C2orf76: variants seen among roughly 807,000 people sequenced by gnomAD.
C2orf76 encodes chromosome 2 open reading frame 76, also known as UPF0538 protein C2orf76.
In C2orf76, 23 loss-of-function variants were observed where a neutral mutation model predicts 16.9. That is an observed-to-expected ratio of 1.36 (90% CI 0.98 to 1.93). C2orf76 has a LOEUF of 1.93. C2orf76 is among the 30% of genes most tolerant of loss of function. The probability of loss-of-function intolerance (pLI) is 0.00; values close to 1 mark genes in which losing one functional copy is unlikely to be tolerated. For synonymous variants in C2orf76, 48 were observed against 52.3 expected, an observed-to-expected ratio of 0.92 and a Z score of 0.35; for missense variants, 152 against 152.6, an observed-to-expected ratio of 1.00 and a Z score of 0.02.
Position 119,302,545 on chromosome 2 carries a change from C to G in C2orf76, c.308G>C (p.Ser103Thr). The change falls in exon 6 of 6, where the codon AGT (serine) becomes ACT (threonine). Residue 103 changes from serine to threonine, a missense_variant. By Grantham distance (58) the Ser-to-Thr change is moderately conservative (BLOSUM62 1). Coordinates refer to ENST00000334816, the MANE Select transcript of C2orf76 (RefSeq NM_001322331.2). Reference sequence around the variant, plus strand: ...ACAGAAGAATGCAATTTCAGTTTCACTGGCTGAAAAAAAACAGAAAATGGA... The same window carrying G: ...ACAGAAGAATGCAATTTCAGTTTCAGTGGCTGAAAAAAAACAGAAAATGGA... The part of the protein sequence containing the change: ...DSTLKAAGIA[S>T]ETEIAFFCEE... 1.4e-6 allele frequency: 2 copies of G among 1,481,436 alleles called. No individual in the cohort carries two copies. Among genetic ancestry groups the G allele is most frequent in the Non-Finnish European group, 1.8e-6 (2 of 1,097,042 alleles). 91.8% of individuals were successfully genotyped at this position (1,481,436 alleles called of 1,614,324 possible).
At chr2:119,325,934 G>A (rs1679496525) in intron 2 of C2orf76, among the ~76,000 whole-genome samples, 1 of 152,062 alleles carries the variant, frequency 6.6e-6, no homozygotes, top group Non-Finnish European at 1.5e-5. Context: ...AGTTATAAGA[G>A]GTTTTGGTTT....
At chr2:119,285,760 A>G in the C2orf76 span, among the ~76,000 whole-genome samples, 1 of 152,222 alleles carries the variant, frequency 6.6e-6, no homozygotes, top group Non-Finnish European at 1.5e-5. Flanking sequence ...AAAGCCTGGT[A>G]ACTTTTAGAA....
chr2:119,281,724 T>A, the C2orf76 span, among the ~76,000 whole-genome samples: 1 of 152,024 alleles, frequency 6.6e-6, no homozygotes, highest in Admixed American at 6.5e-5. Flanking sequence ...CAAAATAATA[T>A]GATTAAATTC....
downstream of C2orf76, among the ~76,000 whole-genome samples, chr2:119,301,915 CT>C (rs1678630052): frequency 7.2e-6 from 1 of 139,474 alleles, no homozygotes; most frequent in Non-Finnish European, 1.6e-5. Flanking sequence ...GGCTGCAATA[CT>C]TTAAAAAAAA....
chr2:119,349,378 G>A (rs937563886), intron 1 of C2orf76, among the ~76,000 whole-genome samples: 1 of 152,194 alleles, frequency 6.6e-6, no homozygotes, highest in African/African-American at 2.4e-5. Flanking sequence ...CTGGAAAGGA[G>A]GGAAAGGCTA....
the C2orf76 span, among the ~76,000 whole-genome samples, chr2:119,288,189 C>T: frequency 6.9e-6 from 1 of 145,964 alleles, no homozygotes; most frequent in Non-Finnish European, 1.5e-5. Context: ...CAGAGTCTCA[C>T]TCTGTCGCCC....
At chr2:119,358,235 C>T (rs1371597393) in intron 1 of C2orf76, among the ~76,000 whole-genome samples, 1 of 152,074 alleles carries the variant, frequency 6.6e-6, no homozygotes, top group Non-Finnish European at 1.5e-5. Flanking sequence ...GTTGTGAATA[C>T]AAAGGAAAAG....
At chr2:119,366,698 C>G (rs1268071368) in intron 1 of C2orf76, 92 bp downstream of exon 1, 2 of 491,362 alleles carry the variant, frequency 4.1e-6, no homozygotes, top group African/African-American at 1.9e-5. Flanking sequence ...CCCCTTCCCC[C>G]GCGTGCCGTC....
chr2:119,315,421 C>T (rs1679138000), intron 4 of C2orf76, among the ~76,000 whole-genome samples: 1 of 152,162 alleles, frequency 6.6e-6, no homozygotes, highest in Admixed American at 6.5e-5. Context: ...ATTAAAATTA[C>T]AGCTGAGTTG....
chr2:119,294,061 C>T, the C2orf76 span, among the ~76,000 whole-genome samples: 1 of 152,080 alleles, frequency 6.6e-6, no homozygotes, highest in South Asian at 2.1e-4. Context: ...CGCATGAGGT[C>T]ATCTAGGGAG....
intron 3 of C2orf76, 31 bp from the exon 4 acceptor site, chr2:119,317,534 A>G: frequency 6.4e-7 from 1 of 1,568,896 alleles, no homozygotes; most frequent in African/African-American, 1.3e-5. Context: ...ATCTTTTTAC[A>G]CAGTTTATTC....
At chr2:119,327,335 G>GTTTT (rs1165225072) in intron 2 of C2orf76, among the ~76,000 whole-genome samples, 2 of 76,020 alleles carry the variant, frequency 2.6e-5, no homozygotes, top group Non-Finnish European at 5.5e-5. Flanking sequence ...GAATTACATG[G>GTTTT]ATTTTTTTTT....
intron 5 of C2orf76, among the ~76,000 whole-genome samples, chr2:119,306,268 G>A (rs746015115): frequency 1.4e-4 from 21 of 152,142 alleles, no homozygotes; most frequent in Admixed American, 2.6e-4. Flanking sequence ...ACATCATCCC[G>A]AAAGAGAAGG....
the C2orf76 span, among the ~76,000 whole-genome samples, chr2:119,285,129 T>C: frequency 6.6e-6 from 1 of 152,370 alleles, no homozygotes; most frequent in South Asian, 2.1e-4. Flanking sequence ...TACATATTCT[T>C]ATTAAATTCT....
chr2:119,331,593 C>T lies in C2orf76; in HGVS notation c.133+8234G>A, dbSNP rs552478379. Among the ~76,000 whole-genome samples, 26 of 152,336 alleles carry T rather than the reference C, an allele frequency of 1.7e-4. No individual in the cohort carries two copies. In the South Asian group the frequency reaches 4.6e-3, roughly 27 times the overall value. The stretch of plus-strand genomic sequence containing the variant: ...TGCCCTGTGAACTCTCCAGGGTCCA[C>T]TCCAGACTGCCAGCTCTGACTCCTA... On this transcript the variant is annotated intron_variant, in intron 2 of 5. Coordinates refer to ENST00000334816, the MANE Select transcript of C2orf76 (RefSeq NM_001322331.2).
the C2orf76 span, among the ~76,000 whole-genome samples, chr2:119,296,754 C>T: frequency 3.3e-5 from 5 of 152,168 alleles, no homozygotes; most frequent in African/African-American, 1.2e-4. Context: ...TGGCCCAACT[C>T]GTGGGACCAG....
intron 1 of C2orf76, among the ~76,000 whole-genome samples, chr2:119,357,690 T>C (rs781085026): frequency 7.9e-5 from 12 of 151,676 alleles, no homozygotes; most frequent in Non-Finnish European, 1.0e-4. Flanking sequence ...AAATAGCCAT[T>C]CTCACCATTC....
At chr2:119,285,946 G>A in the C2orf76 span, among the ~76,000 whole-genome samples, 24 of 151,970 alleles carry the variant, frequency 1.6e-4, no homozygotes, top group East Asian at 3.9e-4. Context: ...AAGCAAGGCC[G>A]GCCAGGCACA....
intron 4 of C2orf76, among the ~76,000 whole-genome samples, chr2:119,314,650 T>G (rs945919655): frequency 6.6e-5 from 10 of 152,246 alleles, no homozygotes; most frequent in African/African-American, 2.4e-4. Context: ...AGCTAATTAC[T>G]CTCATTTCTC....
Sources: allele counts gnomAD v4.1 joint callset (sites outside exome capture counted in the v4.1 genomes callset), GRCh38; gene constraint gnomAD v4.1.1; transcripts MANE v1.5; gene names NCBI Gene and HGNC (gene_info 2026-07-23, HGNC 2026-07-21).